The following MCU variants were observed in gnomAD, a reference collection of about 807,000 sequenced individuals.
MCU encodes the protein mitochondrial calcium uniporter.
In MCU, 12 loss-of-function variants were observed where a neutral mutation model predicts 45.2. The observed-to-expected ratio is 0.27, with a 90% CI of 0.17 to 0.43. MCU has a LOEUF of 0.43. Ranked by LOEUF, MCU falls within the 20% of genes least tolerant of loss-of-function variation. The pLI is 1.00. For synonymous variants in MCU, 160 were observed against 165.1 expected (o/e 0.97, Z 0.24); for missense variants, 324 against 436.7 (o/e 0.74, Z 2.30).
rs552922071 is a variant in MCU at position 72,792,558 on chromosome 10, C to A, written c.151-41801C>A. ...GCCAGTGGATCAGTTCCCAGGGAAT[C>A]CTAGGTCATGAAAAACTCCCGGTTT... On this transcript the variant is annotated intron_variant, in intron 1 of 7. Coordinates refer to ENST00000373053, the MANE Select transcript of MCU (RefSeq NM_138357.3). Among the ~76,000 whole-genome samples the A allele has an allele frequency of 3.3e-5, 5 of 152,238 alleles. No individual in the cohort carries two copies. In the South Asian group the frequency reaches 1.0e-3, roughly 32 times the overall value.
chr10:72,717,909 C>CA (rs138252156), intron 1 of MCU, among the ~76,000 whole-genome samples: 1 of 152,022 alleles, frequency 6.6e-6, no homozygotes, highest in African/African-American at 2.4e-5. Flanking sequence ...TTTAGATTTA[C>CA]AAAAAAATGG....
At chr10:72,804,883 C>T (rs1019236164) in intron 1 of MCU, among the ~76,000 whole-genome samples, 2 of 152,166 alleles carry the variant, frequency 1.3e-5, no homozygotes, top group Non-Finnish European at 1.5e-5. Flanking sequence ...GCGATCTTGC[C>T]ACCTCAGCCT....
chr10:72,698,651 C>T lies in MCU; in HGVS notation c.150+6350C>T, dbSNP rs191133299. ...TCCCGAGTAGATGGGGCTAAAGGCA[C>T]GCGCCACCACGCCCAGCCAATTTTT... On this transcript the variant is annotated intron_variant, in intron 1 of 7. Coordinates refer to ENST00000373053, the MANE Select transcript of MCU (RefSeq NM_138357.3). Among the ~76,000 whole-genome samples the T allele has an allele frequency of 1.1e-4, 17 of 152,246 alleles. No homozygotes were observed. The East Asian group carries it at 1.7e-3, about 16-fold the overall frequency.
chr10:72,870,315 A>G lies in MCU; in HGVS notation c.658-1062A>G, dbSNP rs1022737820. Among the ~76,000 whole-genome samples, 11 of 152,000 alleles carry G rather than the reference A, an allele frequency of 7.2e-5. No individual in the cohort carries two copies. In the East Asian group the frequency reaches 2.1e-3, roughly 29 times the overall value. ...TTTTTTTGAGACGGAGTCTCACTCT[A>G]TTGCCCAGGCTGGAGTGCAGTGGCA... On this transcript the variant is annotated intron_variant, in intron 5 of 7. Coordinates refer to ENST00000373053, the MANE Select transcript of MCU (RefSeq NM_138357.3).
intron 1 of MCU, chr10:72,692,885 G>A (rs1411600054): frequency 1.4e-6 from 2 of 1,446,868 alleles, no homozygotes; most frequent in South Asian, 1.4e-5. Context: ...GACTTCCTCT[G>A]TGTGTGTGCA....
Position 72,884,371 on chromosome 10 carries a change from G to A in MCU, c.967G>A (p.Ala323Thr), listed in dbSNP as rs775967191. ...DLEKYNQLKDAIAQAEMDLKR... is the reference protein window; with the variant it reads ...DLEKYNQLKDTIAQAEMDLKR... Reference sequence around the variant, plus strand: ...AGAGAAATACAATCAACTCAAGGATGCAATTGCTCAGGTAAGTTTTACAAA... The same window carrying A: ...AGAGAAATACAATCAACTCAAGGATACAATTGCTCAGGTAAGTTTTACAAA... Residue 323 changes from alanine to threonine, a missense_variant, in exon 7 of 8, where the codon GCA (alanine) becomes ACA (threonine). Ala to Thr is a moderately conservative substitution (Grantham distance 58, BLOSUM62 0). Coordinates refer to ENST00000373053, the MANE Select transcript of MCU (RefSeq NM_138357.3). The A allele has an allele frequency of 1.3e-6, 2 of 1,596,298 alleles. No homozygotes were observed. Among genetic ancestry groups the A allele is most frequent in the East Asian group, 2.2e-5 (1 of 44,750 alleles).
intron 1 of MCU, among the ~76,000 whole-genome samples, chr10:72,701,363 G>A (rs911958530): frequency 6.6e-6 from 1 of 152,166 alleles, no homozygotes; most frequent in Non-Finnish European, 1.5e-5. Flanking sequence ...AAGGCAGGAC[G>A]CATGTTTTGG....
intron 1 of MCU, among the ~76,000 whole-genome samples, chr10:72,822,737 G>A (rs1402869128): frequency 6.6e-6 from 1 of 152,138 alleles, no homozygotes; most frequent in African/African-American, 2.4e-5. Flanking sequence ...CACTTTGAGA[G>A]GCCAAGGCCG....
intron 1 of MCU, among the ~76,000 whole-genome samples, chr10:72,828,307 T>TA (rs1844828015): frequency 6.6e-6 from 1 of 152,176 alleles, no homozygotes; most frequent in Non-Finnish European, 1.5e-5. Context: ...CATGGACAAA[T>TA]ATATAGATAC....
In MCU at chr10:72,812,048, A is replaced by G. The variant is rs536278675; in HGVS notation, c.151-22311A>G. Among the ~76,000 whole-genome samples, 7 of 151,904 alleles carry G rather than the reference A, an allele frequency of 4.6e-5. No homozygotes were observed. The East Asian group carries it at 1.3e-3, about 29-fold the overall frequency. On this transcript the variant is annotated intron_variant, in intron 1 of 7. Coordinates refer to ENST00000373053, the MANE Select transcript of MCU (RefSeq NM_138357.3). ...TATATTGAATGTATTTTAGGAAATA[A>G]TATTATTTACCTATTCATTTTGGAT...
chr10:72,883,310 C>G (rs899962834), intron 6 of MCU, among the ~76,000 whole-genome samples: 1 of 152,104 alleles, frequency 6.6e-6, no homozygotes, highest in Admixed American at 6.5e-5. Flanking sequence ...AATGATTGTA[C>G]AACTCTGTGA....
chr10:72,747,271 T>C lies in MCU; in HGVS notation c.150+54970T>C, dbSNP rs537505253. Among the ~76,000 whole-genome samples the C allele has an allele frequency of 1.2e-3, 176 of 152,360 alleles. 1 individual carries two copies. The Middle Eastern group carries it at 0.017, about 15-fold the overall frequency. On this transcript the variant is annotated intron_variant, in intron 1 of 7. Transcript: ENST00000373053. ...TCACACAATGTCTATACGAATGTTA[T>C]AGATACTTAATGCATTCTTGGAGGA...
Position 72,858,772 on chromosome 10 carries a change from T to C in MCU, c.221-405T>C, listed in dbSNP as rs186498804. On this transcript the variant is annotated intron_variant, in intron 2 of 7. Transcript: ENST00000373053. ...AGAGTCTCACTTATTAGTGTACTTC[T>C]TGAAAGCTCTGGATCCCGAGAGCCA... is the stretch of plus-strand genomic sequence containing the variant. Among the ~76,000 whole-genome samples, 103 of 152,332 alleles carry C rather than the reference T, an allele frequency of 6.8e-4. 1 individual carries two copies. The highest frequency in any genetic ancestry group is 1.7e-3 in the South Asian group (8 of 4,828).
chr10:72,813,970 T>G (rs778689044), intron 1 of MCU, among the ~76,000 whole-genome samples: 10 of 152,202 alleles, frequency 6.6e-5, no homozygotes, highest in South Asian at 2.1e-4. Flanking sequence ...GTTTTGTAAC[T>G]GACAGTGTGA....
chr10:72,717,272 TTTTTGGAGA>T (rs1842966157), intron 1 of MCU, among the ~76,000 whole-genome samples: 1 of 152,178 alleles, frequency 6.6e-6, no homozygotes. Context: ...TCTTTTTTTT[TTTTTGGAGA>T]TACAGTCTCG....
At chr10:72,874,760 A>G (rs1303333583) in intron 6 of MCU, among the ~76,000 whole-genome samples, 1 of 152,214 alleles carries the variant, frequency 6.6e-6, no homozygotes, top group Non-Finnish European at 1.5e-5. Context: ...CCATGTTTTC[A>G]GCCAAACACT....
At chr10:72,870,436 G>A (rs902545866) in intron 5 of MCU, among the ~76,000 whole-genome samples, 2 of 151,986 alleles carry the variant, frequency 1.3e-5, no homozygotes, top group African/African-American at 2.4e-5. Flanking sequence ...CTGCCACCAC[G>A]CCCGGCTAAT....
chr10:72,872,334 C>T (rs1173175912), intron 6 of MCU, among the ~76,000 whole-genome samples: 2 of 151,912 alleles, frequency 1.3e-5, no homozygotes, highest in Non-Finnish European at 2.9e-5. Flanking sequence ...AACTATTGAA[C>T]ACTAGAGCTT....
At chr10:72,714,926 A>T (rs1842940156) in intron 1 of MCU, among the ~76,000 whole-genome samples, 1 of 152,182 alleles carries the variant, frequency 6.6e-6, no homozygotes, top group Non-Finnish European at 1.5e-5. Flanking sequence ...GGTTACAACT[A>T]ATTTTTTTTA....
Sources: allele counts gnomAD v4.1 joint callset (sites outside exome capture counted in the v4.1 genomes callset), GRCh38; gene constraint gnomAD v4.1.1; transcripts MANE v1.5; gene names NCBI Gene and HGNC (gene_info 2026-07-23, HGNC 2026-07-21).